The following COL24A1 variants were observed in gnomAD, a reference collection of about 807,000 sequenced individuals.
COL24A1 encodes the protein collagen type XXIV alpha 1 chain.
Under a neutral mutation model 253.9 loss-of-function variants are expected in COL24A1, and 224 were observed. The observed-to-expected ratio is 0.88, with a 90% CI of 0.79 to 0.99. COL24A1 has a LOEUF of 0.99. Among genes scored for constraint, COL24A1 ranks in the 50% least tolerant of loss-of-function variants. The probability of loss-of-function intolerance (pLI) is 0.00; values close to 1 mark genes in which losing one functional copy is unlikely to be tolerated. For missense variants in COL24A1, 2,131 were observed against 2,068.5 expected, an observed-to-expected ratio of 1.03 and a Z score of -0.59; for synonymous variants, 685 against 673.7, an observed-to-expected ratio of 1.02 and a Z score of -0.26.
At chr1:86,026,535 G>A (rs1198819858) in intron 14 of COL24A1, among the ~76,000 whole-genome samples, 1 of 152,200 alleles carries the variant, frequency 6.6e-6, no homozygotes, top group Non-Finnish European at 1.5e-5. Flanking sequence ...CTGTGAAGAA[G>A]TGCCTGCTTC....
At chr1:86,147,746 A>G (rs1371255622) in intron 1 of COL24A1, among the ~76,000 whole-genome samples, 1 of 152,224 alleles carries the variant, frequency 6.6e-6, no homozygotes, top group Non-Finnish European at 1.5e-5. Context: ...ACTATTTAGA[A>G]CATTCACTGT....
chr1:86,112,227 T>G (rs528405566), intron 5 of COL24A1, among the ~76,000 whole-genome samples: 3 of 152,278 alleles, frequency 2.0e-5, no homozygotes, highest in African/African-American at 7.2e-5. Flanking sequence ...ATTTACAAAT[T>G]AAAACGACCT....
intron 47 of COL24A1, among the ~76,000 whole-genome samples, chr1:85,804,621 G>C (rs918439068): frequency 1.3e-5 from 2 of 152,158 alleles, no homozygotes; most frequent in East Asian, 3.9e-4. Flanking sequence ...CAGGCAAAAA[G>C]AGAGCTTGTG....
At chr1:86,060,742 T>C (rs561497467) in intron 8 of COL24A1, among the ~76,000 whole-genome samples, 30 of 152,188 alleles carry the variant, frequency 2.0e-4, no homozygotes, top group African/African-American at 5.5e-4. Flanking sequence ...CACAGAAGTA[T>C]GACAATGGAC....
intron 18 of COL24A1, 71 bp downstream of exon 18, chr1:86,022,169 A>G: frequency 2.3e-6 from 3 of 1,319,452 alleles, no homozygotes. Flanking sequence ...ACTTAGATCA[A>G]CAGTGTCGAG....
Position 86,089,167 on chromosome 1 carries a change from A to G in COL24A1, c.1707+7T>C. The G allele has an allele frequency of 6.4e-7, 1 of 1,571,754 alleles. No homozygotes were observed. The highest frequency in any genetic ancestry group is 2.3e-5 in the East Asian group (1 of 44,176). ...AAAAAAAGAAAAGAAGTAAAATTCC[A>G]ACTTACCTTATCACCTTGCATACCA... On this transcript the variant is annotated splice_region_variant and intron_variant, in intron 7 of 59. Transcript: ENST00000370571.
intron 6 of COL24A1, among the ~76,000 whole-genome samples, chr1:86,091,954 A>G (rs1703520740): frequency 6.6e-6 from 1 of 152,144 alleles, no homozygotes; most frequent in Admixed American, 6.5e-5. Flanking sequence ...ATGTATTAAC[A>G]GCAAAATGTC....
intron 24 of COL24A1, among the ~76,000 whole-genome samples, chr1:85,922,799 T>A (rs925497849): frequency 7.9e-5 from 12 of 152,254 alleles, no homozygotes; most frequent in African/African-American, 2.9e-4. Flanking sequence ...AATGACAGGA[T>A]CAAATTCACA....
rs377732989 is a variant in COL24A1 at position 85,874,777 on chromosome 1, G to A, written c.3085-75C>T. Reference sequence around the variant, plus strand: ...GCTAATTATGGAGGGCATGCCATACGGCACAGTTCCCCAACGCCTGGGCCG... The same window carrying A: ...GCTAATTATGGAGGGCATGCCATACAGCACAGTTCCCCAACGCCTGGGCCG... On this transcript the variant is annotated intron_variant, in intron 34 of 59. Coordinates refer to ENST00000370571, the MANE Select transcript of COL24A1 (RefSeq NM_152890.7). 57 of 1,510,292 alleles carry A rather than the reference G, an allele frequency of 3.8e-5. 1 individual carries two copies. The highest frequency in any genetic ancestry group is 4.7e-5 in the South Asian group (4 of 85,640). 93.6% of individuals were successfully genotyped at this position (1,510,292 alleles called of 1,614,324 possible). A position where few individuals can be genotyped will look rare whatever the true frequency, so the allele number is the denominator to read the frequency against.
At chr1:86,010,964 C>T (rs1696433732) in intron 19 of COL24A1, among the ~76,000 whole-genome samples, 2 of 152,140 alleles carry the variant, frequency 1.3e-5, no homozygotes, top group Non-Finnish European at 2.9e-5. Flanking sequence ...CCAGAAACTA[C>T]TGAGATTGGA....
intron 28 of COL24A1, among the ~76,000 whole-genome samples, chr1:85,901,083 A>C (rs1047703587): frequency 1.3e-5 from 2 of 152,236 alleles, no homozygotes; most frequent in Non-Finnish European, 2.9e-5. Flanking sequence ...AAAAGCTTCC[A>C]TACAACATAA....
intron 1 of COL24A1, among the ~76,000 whole-genome samples, chr1:86,149,828 G>A (rs1652493842): frequency 6.6e-6 from 1 of 152,114 alleles, no homozygotes; most frequent in Non-Finnish European, 1.5e-5. Flanking sequence ...TGACAAACCA[G>A]TTGAGCCATA....
At position 85,858,621 on chromosome 1, in the gene COL24A1, C is replaced by CT. The variant is rs1553201492; in HGVS notation, c.3301-9216dup. On this transcript the variant is annotated intron_variant, in intron 37 of 59. Transcript: ENST00000370571. ...AACATATTTTCTCCTTATTTTCTCC[C>CT]TCCTTCCTTCCTTCCTTCCTTCCTT... Among the ~76,000 whole-genome samples the CT allele has an allele frequency of 5.5e-4, 62 of 113,372 alleles. No individual in the cohort carries two copies. In the Middle Eastern group the frequency reaches 0.024, roughly 44 times the overall value. 74.4% of individuals were successfully genotyped at this position (113,372 alleles called of 152,430 possible).
At chr1:85,841,370 T>C (rs950572833) in intron 41 of COL24A1, 92 bp from the exon 42 acceptor site, 8 of 832,712 alleles carry the variant, frequency 9.6e-6, no homozygotes, top group Non-Finnish European at 1.5e-5. Flanking sequence ...TATTAGAAAA[T>C]GCAGTTTGAT....
intron 24 of COL24A1, among the ~76,000 whole-genome samples, chr1:85,959,638 C>T (rs1690817725): frequency 6.6e-6 from 1 of 152,042 alleles, no homozygotes; most frequent in Non-Finnish European, 1.5e-5. Flanking sequence ...TGTCACTTGG[C>T]ACTATACCTA....
chr1:85,910,462 T>G (rs1685255606), intron 25 of COL24A1, among the ~76,000 whole-genome samples: 1 of 151,936 alleles, frequency 6.6e-6, no homozygotes. Flanking sequence ...GAAATAAGTC[T>G]GGAAGATCAT....
chr1:86,031,663 T>G (rs1470251334), intron 14 of COL24A1, among the ~76,000 whole-genome samples: 1 of 152,148 alleles, frequency 6.6e-6, no homozygotes, highest in Non-Finnish European at 1.5e-5. Context: ...AAATATATCA[T>G]TATTTTTTCT....
At chr1:85,875,850 G>A (rs989109865) in intron 33 of COL24A1, among the ~76,000 whole-genome samples, 22 of 151,350 alleles carry the variant, frequency 1.5e-4, no homozygotes, top group Admixed American at 1.4e-3. Context: ...GAACATAGAA[G>A]TTCTTGCAAC....
At chr1:85,987,482 G>T in intron 20 of COL24A1, 119 bp downstream of exon 20, 1 of 898,020 alleles carries the variant, frequency 1.1e-6, no homozygotes, top group Non-Finnish European at 1.8e-6. Flanking sequence ...ATGTACCTGA[G>T]ACAGCTTAAA....
Sources: gnomAD v4.1 joint callset for allele counts (sites outside exome capture counted in the v4.1 genomes callset) on GRCh38, gnomAD v4.1.1 for gene constraint, MANE v1.5 for transcripts, NCBI Gene and HGNC (gene_info 2026-07-23, HGNC 2026-07-21) for gene names.